The following TP63 variants were observed in gnomAD, a reference collection of about 807,000 sequenced individuals.
TP63 encodes tumor protein p63.
Under a neutral mutation model 82.8 loss-of-function variants are expected in TP63, and 17 were observed. The ratio of observed to expected loss-of-function variants is 0.21; its 90% CI spans 0.14 to 0.31. TP63 has a LOEUF of 0.31. Among genes scored for constraint, TP63 ranks in the 10% least tolerant of loss-of-function variants. The pLI, the probability that TP63 is intolerant of heterozygous loss-of-function variation, is 1.00. For missense variants in TP63, 648 were observed against 895.3 expected (o/e 0.72, Z 3.52); for synonymous variants, 330 against 321.7 (o/e 1.03, Z -0.28).
At chr3:189,624,084 T>A in the TP63 span, among the ~76,000 whole-genome samples, 1 of 152,188 alleles carries the variant, frequency 6.6e-6, no homozygotes, top group Non-Finnish European at 1.5e-5. Context: ...CCATTGATGT[T>A]TATGCTGAGT....
In TP63 at chr3:189,718,889, G is replaced by A. The variant is rs185605437; in HGVS notation, c.63-18851G>A. On this transcript the variant is annotated intron_variant, in intron 1 of 13. Coordinates refer to ENST00000264731, the MANE Select transcript of TP63 (RefSeq NM_003722.5). ...AAAAAAACAAAAACAAAAAAACAATGTAGCCTATACTTTTGGAGAGGGGTA... is the reference window on the plus strand; with the variant it reads ...AAAAAAACAAAAACAAAAAAACAATATAGCCTATACTTTTGGAGAGGGGTA... Among the ~76,000 whole-genome samples the A allele has an allele frequency of 8.1e-4, 124 of 152,216 alleles. 2 individuals carry two copies. The East Asian group carries it at 0.023, about 28-fold the overall frequency.
chr3:189,858,403 CAAAAA>C (rs1160961471), intron 4 of TP63, among the ~76,000 whole-genome samples: 2 of 2,880 alleles, frequency 6.9e-4, no homozygotes, highest in East Asian at 5.1e-3. Flanking sequence ...GACTCCGTCT[CAAAAA>C]AAAAAAAAAA....
intron 3 of TP63, among the ~76,000 whole-genome samples, chr3:189,803,046 C>T (rs1186539672): frequency 6.6e-6 from 1 of 152,166 alleles, no homozygotes; most frequent in Non-Finnish European, 1.5e-5. Flanking sequence ...CACCTTTAAT[C>T]CCAACACTTT....
chr3:189,786,269 T>C (rs1046859879), intron 3 of TP63, among the ~76,000 whole-genome samples: 1 of 151,988 alleles, frequency 6.6e-6, no homozygotes, highest in African/African-American at 2.4e-5. Flanking sequence ...AATCCTAATA[T>C]TGTAATATGG....
In TP63 at chr3:189,873,082, G is replaced by A. The variant is rs111843185; in HGVS notation, c.1349+87G>A. 0.058 allele frequency: 92,060 copies of A among 1,592,256 alleles called. 3,019 individuals are homozygous for A. The highest frequency in any genetic ancestry group is 0.098 in the South Asian group (8,896 of 90,350). On this transcript the variant is annotated intron_variant, in intron 10 of 13. Transcript: ENST00000264731. ...AATAGGGTGATTGATGAGCAATGTGGAACATAATGGGAGATAGCAGATTGT... is the reference window on the plus strand; with the variant it reads ...AATAGGGTGATTGATGAGCAATGTGAAACATAATGGGAGATAGCAGATTGT...
At chr3:189,805,245 A>G (rs1026501580) in intron 3 of TP63, among the ~76,000 whole-genome samples, 1 of 152,228 alleles carries the variant, frequency 6.6e-6, no homozygotes, top group African/African-American at 2.4e-5. Context: ...ATATAGCAGT[A>G]TACAGCCTAA....
chr3:189,654,513 T>A (rs1224597100), intron 1 of TP63, among the ~76,000 whole-genome samples: 1 of 152,208 alleles, frequency 6.6e-6, no homozygotes. Context: ...GATGTTATAC[T>A]TTTATTATTG....
chr3:189,748,809 G>C (rs968975067), intron 3 of TP63, among the ~76,000 whole-genome samples: 1 of 151,990 alleles, frequency 6.6e-6, no homozygotes, highest in Non-Finnish European at 1.5e-5. Context: ...GTAACCAACA[G>C]AGCATGATAT....
intron 4 of TP63, among the ~76,000 whole-genome samples, chr3:189,842,739 C>T (rs919385800): frequency 1.3e-5 from 2 of 152,294 alleles, no homozygotes; most frequent in East Asian, 3.9e-4. Context: ...TGTTTCTACA[C>T]CTCTAACGTA....
intron 12 of TP63, 138 bp from the exon 13 acceptor site, chr3:189,890,651 T>C: frequency 1.4e-6 from 1 of 714,676 alleles, no homozygotes; most frequent in Non-Finnish European, 2.5e-6. Context: ...AAGGCCCACA[T>C]ATATATTACC....
intron 1 of TP63, among the ~76,000 whole-genome samples, chr3:189,647,971 A>G (rs1331139272): frequency 7.8e-6 from 1 of 128,952 alleles, no homozygotes; most frequent in Non-Finnish European, 1.7e-5. Context: ...AACTAAGATT[A>G]AAGATTTCAC....
At chr3:189,690,030 T>G (rs1464386359) in intron 1 of TP63, among the ~76,000 whole-genome samples, 1 of 152,200 alleles carries the variant, frequency 6.6e-6, no homozygotes, top group Non-Finnish European at 1.5e-5. Flanking sequence ...CCTGCCACAC[T>G]GAAGGTCCCA....
chr3:189,893,334 A>G (rs1038735126), intron 13 of TP63, among the ~76,000 whole-genome samples: 2 of 152,244 alleles, frequency 1.3e-5, no homozygotes, highest in African/African-American at 4.8e-5. Context: ...TTCTATAGCC[A>G]GTCAGTGACC....
chr3:189,655,050 A>G (rs1713217387), intron 1 of TP63, among the ~76,000 whole-genome samples: 1 of 152,222 alleles, frequency 6.6e-6, no homozygotes, highest in African/African-American at 2.4e-5. Context: ...AAGAAACGCC[A>G]TAATTAATCT....
chr3:189,625,912 CCT>C, the TP63 span, among the ~76,000 whole-genome samples: 1 of 152,110 alleles, frequency 6.6e-6, no homozygotes, highest in East Asian at 1.9e-4. Flanking sequence ...AAACTGCCAA[CCT>C]CTTCCTGCCC....
intron 1 of TP63, among the ~76,000 whole-genome samples, chr3:189,700,959 T>G (rs1015782233): frequency 3.3e-5 from 5 of 152,182 alleles, no homozygotes; most frequent in Non-Finnish European, 5.9e-5. Flanking sequence ...AAAATAATGT[T>G]AATGAATCCT....
rs1048335083 is a variant in TP63 at position 189,646,751 on chromosome 3, C to T, written c.62+15174C>T. 6.1e-5 allele frequency among the ~76,000 whole-genome samples: 9 copies of T among 146,752 alleles called. 1 individual carries two copies. The highest frequency in any genetic ancestry group is 2.0e-4 in the African/African-American group (8 of 39,170). On this transcript the variant is annotated intron_variant, in intron 1 of 13. Coordinates refer to ENST00000264731, the MANE Select transcript of TP63 (RefSeq NM_003722.5). The stretch of plus-strand genomic sequence containing the variant: ...CAAAAATACATCTTAAAAACAAAGT[C>T]GAAAATAAAAGTGAGAAAAGCAAAT...
At chr3:189,642,313 G>A (rs942234510) in intron 1 of TP63, among the ~76,000 whole-genome samples, 1 of 152,118 alleles carries the variant, frequency 6.6e-6, no homozygotes, top group Admixed American at 6.5e-5. Context: ...AATGAGATAT[G>A]AACAGCGAAA....
chr3:189,844,404 G>A (rs1178545907), intron 4 of TP63: 1 of 340,594 alleles, frequency 2.9e-6, no homozygotes, highest in African/African-American at 2.2e-5. Flanking sequence ...TCCTTTCTCA[G>A]CCTCCCAAGT....
Sources: allele counts gnomAD v4.1 joint callset (sites outside exome capture counted in the v4.1 genomes callset), GRCh38; gene constraint gnomAD v4.1.1; transcripts MANE v1.5; gene names NCBI Gene and HGNC (gene_info 2026-07-23, HGNC 2026-07-21).